Variants in CHN1 observed in about 807,000 individuals in gnomAD.
The protein encoded by CHN1 is chimerin 1.
A neutral mutation model predicts 59.5 loss-of-function variants in CHN1; 37 were observed. The ratio of observed to expected loss-of-function variants is 0.62; its 90% CI spans 0.48 to 0.82. CHN1 has a LOEUF of 0.82. Ranked by LOEUF, CHN1 falls within the 40% of genes least tolerant of loss-of-function variation. CHN1 has a pLI of 0.00. For synonymous variants in CHN1, 206 were observed against 200.4 expected (o/e 1.03, Z -0.24); for missense variants, 469 against 571.0 (o/e 0.82, Z 1.82).
chr2:174,976,762 T>G (rs1214730574), intron 1 of CHN1, among the ~76,000 whole-genome samples: 1 of 152,204 alleles, frequency 6.6e-6, no homozygotes, highest in African/African-American at 2.4e-5. Context: ...ATTTTTAGAT[T>G]TATAAAAACC....
intron 2 of CHN1, among the ~76,000 whole-genome samples, chr2:174,946,438 C>T (rs573259138): frequency 6.6e-6 from 1 of 152,198 alleles, no homozygotes; most frequent in African/African-American, 2.4e-5. Context: ...GCCACTTCAT[C>T]AGGAATGTTT....
rs1684677338 is a variant in CHN1, at chr2:174,800,268, C to G, written c.1228G>C (p.Glu410Gln). 7.0e-7 allele frequency: 1 copy of G among 1,435,200 alleles called. No homozygotes were observed. 88.9% of individuals were successfully genotyped at this position (1,435,200 alleles called of 1,614,324 possible). A position where few individuals can be genotyped will look rare whatever the true frequency, so the allele number is the denominator to read the frequency against. The change falls in exon 13 of 13, where the codon GAG becomes CAG. Residue 410 changes from glutamate (E) to glutamine (Q), a missense_variant. By Grantham distance (29) the Glu-to-Gln change is conservative. This residue lies in a region of CHN1 where 225 missense variants were observed against 289.9 expected (regional missense o/e 0.78). Transcript: ENST00000409900. ...HLKRVTLHEK[E>Q]NLMNAENLGI... ...AGGTTCTCTGCATTCATAAGATTCT[C>G]CTTTTCGTGGAGGGTCACTCTGAAA...
chr2:174,955,260 T>C (rs1690170580), intron 1 of CHN1, among the ~76,000 whole-genome samples: 1 of 150,112 alleles, frequency 6.7e-6, no homozygotes, highest in African/African-American at 2.4e-5. Flanking sequence ...GATAGACATA[T>C]ATATATACAC....
intron 3 of CHN1, among the ~76,000 whole-genome samples, chr2:174,942,774 G>A (rs1689703495): frequency 6.6e-6 from 1 of 151,468 alleles, no homozygotes; most frequent in South Asian, 2.1e-4. Context: ...AAAAGGCCAG[G>A]TGCCCTGGCT....
In CHN1 at chr2:174,918,571, G is replaced by A. The variant is rs1221282801; in HGVS notation, c.115-6C>T. ...TACTTTGGTCTGTTTTCCACCTATT[G>A]GGAAAGCAAAAAAACAGGCATATTT... is the stretch of plus-strand genomic sequence containing the variant. On this transcript the variant is annotated splice_region_variant and splice_polypyrimidine_tract_variant and intron_variant, in intron 3 of 12. Transcript: ENST00000409900. 2 of 1,586,256 alleles carry A rather than the reference G, an allele frequency of 1.3e-6. No individual in the cohort carries two copies. Among genetic ancestry groups the A allele is most frequent in the South Asian group, 1.2e-5 (1 of 86,636 alleles).
rs143324890 is a variant in CHN1, at chr2:174,952,111, T to C, written c.58+53A>G. The C allele has an allele frequency of 4.1e-5, 45 of 1,097,280 alleles. No individual in the cohort carries two copies. The African/African-American group carries it at 6.3e-4, about 15-fold the overall frequency. 68.0% of individuals were successfully genotyped at this position (1,097,280 alleles called of 1,614,324 possible). A position where few individuals can be genotyped will look rare whatever the true frequency, so the allele number is the denominator to read the frequency against. On this transcript the variant is annotated intron_variant, in intron 2 of 12. Transcript: ENST00000409900. ...AGTATTTCTATCTAATAATCCCATA[T>C]TTTTATATTACTTATAAAGCACTAT...
At chr2:174,864,068 T>C (rs1687143380) in intron 6 of CHN1, among the ~76,000 whole-genome samples, 2 of 152,184 alleles carry the variant, frequency 1.3e-5, no homozygotes, top group Non-Finnish European at 2.9e-5. Context: ...AGAGATAACA[T>C]AGAAAATGAT....
intron 5 of CHN1, among the ~76,000 whole-genome samples, chr2:174,879,140 G>A (rs767668984): frequency 1.3e-5 from 2 of 152,170 alleles, no homozygotes; most frequent in Non-Finnish European, 2.9e-5. Context: ...AAGTACAACA[G>A]AACAGGGATG....
chr2:175,003,924 AG>A (rs1691974704), intron 1 of CHN1, among the ~76,000 whole-genome samples: 1 of 152,232 alleles, frequency 6.6e-6, no homozygotes, highest in African/African-American at 2.4e-5. Context: ...TACCTCAAAA[AG>A]CATTTGAGGT....
chr2:174,954,311 T>C (rs1448466419), intron 1 of CHN1, among the ~76,000 whole-genome samples: 1 of 152,114 alleles, frequency 6.6e-6, no homozygotes, highest in East Asian at 1.9e-4. Context: ...GATCAAAGAC[T>C]TAAATTTAAG....
chr2:174,959,820 T>C lies in CHN1; in HGVS notation c.20-7618A>G, dbSNP rs147109306. On this transcript the variant is annotated intron_variant, in intron 1 of 12. Transcript: ENST00000409900. ...CTCCCTGGTACACTAAATCCTTCAG[T>C]AAAAGAAAATGAACTTTTAAAAAAC... is the stretch of plus-strand genomic sequence containing the variant. 4.3e-4 allele frequency among the ~76,000 whole-genome samples: 65 copies of C among 152,328 alleles called. No individual in the cohort carries two copies. In the East Asian group the frequency reaches 0.011, roughly 25 times the overall value.
intron 1 of CHN1, among the ~76,000 whole-genome samples, chr2:174,993,110 G>A (rs1691599198): frequency 6.6e-6 from 1 of 152,002 alleles, no homozygotes; most frequent in Non-Finnish European, 1.5e-5. Context: ...GCTAGCTAAT[G>A]GAATTCCTCA....
intron 1 of CHN1, among the ~76,000 whole-genome samples, chr2:174,957,149 C>T (rs1371514410): frequency 2.0e-5 from 3 of 152,206 alleles, no homozygotes; most frequent in South Asian, 4.1e-4. Context: ...AGATGTATCA[C>T]AGCCTTCTTG....
intron 1 of CHN1, among the ~76,000 whole-genome samples, chr2:174,990,302 CAAGAGT>C (rs1691503054): frequency 2.2e-5 from 2 of 92,534 alleles, no homozygotes; most frequent in Non-Finnish European, 3.9e-5. Context: ...AGCGCAAGAG[CAAGAGT>C]GCGAGGTCGT....
At chr2:174,944,863 T>C (rs1689779359) in intron 3 of CHN1, 25 bp downstream of exon 3, 2 of 1,552,826 alleles carry the variant, frequency 1.3e-6, no homozygotes, top group Admixed American at 1.9e-5. Context: ...GAGACATTTT[T>C]TGGTAGCAGT....
chr2:174,902,162 G>GA (rs906251336), intron 5 of CHN1, among the ~76,000 whole-genome samples: 1 of 151,916 alleles, frequency 6.6e-6, no homozygotes, highest in Admixed American at 6.6e-5. Flanking sequence ...ATTTGTCAGG[G>GA]AAAAAATGCT....
Position 175,005,092 on chromosome 2 carries a change from A to C in CHN1, c.-180T>G, listed in dbSNP as rs1692021941. The C allele has an allele frequency of 7.5e-7, 1 of 1,336,734 alleles. No individual in the cohort carries two copies. Among genetic ancestry groups the C allele is most frequent in the East Asian group, 3.2e-5 (1 of 31,390 alleles). The allele number at this position is 1,336,734 out of a possible 1,614,324, so 82.8% of individuals were successfully genotyped here. ...GACGCGGGGGACCGCTGCAAGAAAAAGTTATTCACGCGTTATTGTCGGGCG... is the reference window on the plus strand; with the variant it reads ...GACGCGGGGGACCGCTGCAAGAAAACGTTATTCACGCGTTATTGTCGGGCG... On this transcript the variant is annotated 5_prime_UTR_variant, in exon 1 of 13. Transcript: ENST00000409900.
chr2:175,005,200 A>C lies in CHN1; in HGVS notation c.-288T>G, dbSNP rs561550794. ...AGGCGCGGAGCGTGCGCGCGGGAGGAGGTACCTGCGAGGCAGGAGGCTTGG... is the reference window on the plus strand; with the variant it reads ...AGGCGCGGAGCGTGCGCGCGGGAGGCGGTACCTGCGAGGCAGGAGGCTTGG... On this transcript the variant is annotated 5_prime_UTR_variant, in exon 1 of 13. Coordinates refer to ENST00000409900, the MANE Select transcript of CHN1 (RefSeq NM_001822.7). The C allele has an allele frequency of 1.1e-5, 14 of 1,232,930 alleles. No homozygotes were observed. The South Asian group carries it at 2.5e-4, about 22-fold the overall frequency. 76.4% of individuals were successfully genotyped at this position (1,232,930 alleles called of 1,614,324 possible). A position where few individuals can be genotyped will look rare whatever the true frequency, so the allele number is the denominator to read the frequency against.
intron 1 of CHN1, among the ~76,000 whole-genome samples, chr2:174,987,359 AG>A (rs1691383007): frequency 6.6e-6 from 1 of 152,016 alleles, no homozygotes; most frequent in African/African-American, 2.4e-5. Flanking sequence ...CCATATACAT[AG>A]AAACTCAAAT....
Sources: allele counts gnomAD v4.1 joint callset (sites outside exome capture counted in the v4.1 genomes callset), GRCh38; gene constraint gnomAD v4.1.1; regional missense constraint gnomAD v4.1.1; transcripts MANE v1.5; gene names NCBI Gene and HGNC (gene_info 2026-07-23, HGNC 2026-07-21).